TRIM71: variants seen among roughly 807,000 people sequenced by gnomAD.
The protein encoded by TRIM71 is E3 ubiquitin-protein ligase TRIM71.
Under a neutral mutation model 61.2 loss-of-function variants are expected in TRIM71, and 9 were observed. The ratio of observed to expected loss-of-function variants is 0.15; its 90% CI spans 0.09 to 0.26. The LOEUF (loss-of-function observed/expected upper bound fraction) is 0.26, where lower values mean the gene tolerates loss of function less well. Among genes scored for constraint, TRIM71 ranks in the 10% least tolerant of loss-of-function variants. The probability of loss-of-function intolerance (pLI) is 1.00; values close to 1 mark genes in which losing one functional copy is unlikely to be tolerated. For missense variants in TRIM71, 998 were observed against 1,238.7 expected (o/e 0.81, Z 2.92); for synonymous variants, 645 against 553.2 (o/e 1.17, Z -2.33).
chr3:32,832,306 A>G (rs1433626816), intron 1 of TRIM71, among the ~76,000 whole-genome samples: 1 of 152,136 alleles, frequency 6.6e-6, no homozygotes, highest in Admixed American at 6.5e-5. Context: ...TGTCCGTACA[A>G]ATTAGCCGAG....
At chr3:32,829,652 T>TGTGTGTG (rs1575341635) in intron 1 of TRIM71, among the ~76,000 whole-genome samples, 4 of 81,874 alleles carry the variant, frequency 4.9e-5, no homozygotes, top group East Asian at 4.4e-4. Context: ...GTGTGTGTGT[T>TGTGTGTG]TGTGTGTGCG....
chr3:32,842,050 C>G (rs539284515), intron 1 of TRIM71, among the ~76,000 whole-genome samples: 1 of 152,066 alleles, frequency 6.6e-6, no homozygotes, highest in Non-Finnish European at 1.5e-5. Context: ...TAAAGATTGC[C>G]CCTGTAATTT....
intron 1 of TRIM71, among the ~76,000 whole-genome samples, chr3:32,870,520 A>G (rs946404502): frequency 1.3e-5 from 2 of 151,968 alleles, no homozygotes; most frequent in African/African-American, 2.4e-5. Flanking sequence ...TTTCATTTGT[A>G]TATCTGGGCT....
intron 1 of TRIM71, among the ~76,000 whole-genome samples, chr3:32,861,053 T>C (rs1440047305): frequency 6.6e-6 from 1 of 151,716 alleles, no homozygotes; most frequent in African/African-American, 2.4e-5. Flanking sequence ...CACGTGCCTG[T>C]AGTCCCAGCT....
chr3:32,843,631 A>ATT (rs1160988488), intron 1 of TRIM71, among the ~76,000 whole-genome samples: 11 of 152,210 alleles, frequency 7.2e-5, no homozygotes, highest in Admixed American at 3.9e-4. Flanking sequence ...GGTTTTAATT[A>ATT]ACTGTGTTTA....
chr3:32,843,044 C>T (rs377498994), intron 1 of TRIM71, among the ~76,000 whole-genome samples: 12 of 152,236 alleles, frequency 7.9e-5, no homozygotes, highest in African/African-American at 2.9e-4. Flanking sequence ...ATAGGATTAT[C>T]GGGGTGTTGG....
At chr3:32,887,480 AC>A (rs1301616216) in intron 3 of TRIM71, among the ~76,000 whole-genome samples, 3 of 95,874 alleles carry the variant, frequency 3.1e-5, no homozygotes, top group African/African-American at 1.3e-4. Flanking sequence ...CTAATTACTG[AC>A]TTTTTTTTTT....
chr3:32,884,761 A>T (rs947435698), intron 2 of TRIM71, among the ~76,000 whole-genome samples: 7 of 152,118 alleles, frequency 4.6e-5, no homozygotes, highest in African/African-American at 1.2e-4. Context: ...AAATTTTATG[A>T]TAGGAGCTAA....
In TRIM71 at chr3:32,829,922, ATTT is replaced by A. The variant is rs11327826; in HGVS notation, c.852+11011_852+11013del. Among the ~76,000 whole-genome samples, 366 of 109,510 alleles carry A rather than the reference ATTT, an allele frequency of 3.3e-3. 1 individual carries two copies. The highest frequency in any genetic ancestry group is 0.013 in the African/African-American group (345 of 26,596). 71.8% of individuals were successfully genotyped at this position (109,510 alleles called of 152,430 possible). On this transcript the variant is annotated intron_variant, in intron 1 of 3. Transcript: ENST00000383763. ...GCTTAATACTAAATTTACTGCCTGA[ATTT>A]TTTTTTTTTTTTTTTTTTTTCGAGA...
intron 1 of TRIM71, among the ~76,000 whole-genome samples, chr3:32,849,409 A>G (rs1350847606): frequency 1.3e-5 from 2 of 150,660 alleles, no homozygotes; most frequent in African/African-American, 4.9e-5. Context: ...CCCAGGCTGG[A>G]ATGTAATGGT....
intron 1 of TRIM71, among the ~76,000 whole-genome samples, chr3:32,853,950 GC>G (rs1696567924): frequency 6.6e-6 from 1 of 151,996 alleles, no homozygotes. Context: ...GTTGCAATGA[GC>G]TGAGACCACG....
At chr3:32,841,614 G>A (rs777630628) in intron 1 of TRIM71, among the ~76,000 whole-genome samples, 5 of 152,160 alleles carry the variant, frequency 3.3e-5, no homozygotes, top group South Asian at 2.1e-4. Flanking sequence ...GAGGCCCACC[G>A]CCAACCCCCA....
intron 1 of TRIM71, among the ~76,000 whole-genome samples, chr3:32,852,055 G>T (rs370624297): frequency 5.9e-4 from 90 of 152,280 alleles, no homozygotes; most frequent in African/African-American, 2.1e-3. Context: ...TGCCCGAGGG[G>T]TCCTGTGGGA....
In TRIM71 at chr3:32,891,939, T is replaced by C; in HGVS notation, c.*128T>C. On this transcript the variant is annotated 3_prime_UTR_variant, in exon 4 of 4. Transcript: ENST00000383763. This position sits in a 1 kb window ranked among gnomAD's most constrained non-coding sequence, Gnocchi z 8.2. ...TCTCAGGGAAATTTCTTTTTTCTTT[T>C]TTTTTTTTAAAGAGAACAAGAAAAG... 7.3e-7 allele frequency: 1 copy of C among 1,368,438 alleles called. No homozygotes were observed. Among genetic ancestry groups the C allele is most frequent in the South Asian group, 1.5e-5 (1 of 64,540 alleles). The allele number at this position is 1,368,438 out of a possible 1,614,324, so 84.8% of individuals were successfully genotyped here.
chr3:32,844,823 C>T (rs1049038217), intron 1 of TRIM71, among the ~76,000 whole-genome samples: 1 of 152,158 alleles, frequency 6.6e-6, no homozygotes, highest in African/African-American at 2.4e-5. Flanking sequence ...TCCTCTGAGC[C>T]ACCTTGAAAA....
At chr3:32,861,667 A>T (rs1696669623) in intron 1 of TRIM71, among the ~76,000 whole-genome samples, 1 of 152,170 alleles carries the variant, frequency 6.6e-6, no homozygotes, top group African/African-American at 2.4e-5. Context: ...CCTTTTACTT[A>T]CAGAGAAAGA....
chr3:32,842,429 A>T (rs140351421), intron 1 of TRIM71, among the ~76,000 whole-genome samples: 1 of 152,208 alleles, frequency 6.6e-6, no homozygotes, highest in Non-Finnish European at 1.5e-5. Context: ...ATTGAGTATG[A>T]TGGGGTTGTA....
intron 1 of TRIM71, among the ~76,000 whole-genome samples, chr3:32,826,642 C>T (rs1030668597): frequency 8.4e-6 from 1 of 119,650 alleles, no homozygotes; most frequent in African/African-American, 3.3e-5. Flanking sequence ...AGTGTAGTGG[C>T]ACCATGTTGG....
chr3:32,820,826 C>T (rs1559535493), intron 1 of TRIM71, among the ~76,000 whole-genome samples: 1 of 152,198 alleles, frequency 6.6e-6, no homozygotes, highest in Non-Finnish European at 1.5e-5. Flanking sequence ...GGAAGCTCTT[C>T]AAATTCACTT....
Sources: gnomAD v4.1 joint callset for allele counts (sites outside exome capture counted in the v4.1 genomes callset) on GRCh38, gnomAD v4.1.1 for gene constraint, Gnocchi (gnomAD v3.1) non-coding constraint, MANE v1.5 for transcripts, NCBI Gene and HGNC (gene_info 2026-07-23, HGNC 2026-07-21) for gene names.